Variants in PCGF5 observed in about 807,000 individuals in gnomAD.
PCGF5 encodes polycomb group ring finger 5.
Under a neutral mutation model 44.3 loss-of-function variants are expected in PCGF5, and 9 were observed. That is an observed-to-expected ratio of 0.20 (90% confidence interval 0.12 to 0.35). The LOEUF (loss-of-function observed/expected upper bound fraction) is 0.35. PCGF5 is among the 10% of genes least tolerant of loss of function. The pLI is 1.00. For missense variants in PCGF5, 146 were observed against 305.3 expected, an observed-to-expected ratio of 0.48 and a Z score of 3.89; for synonymous variants, 95 against 102.5, an observed-to-expected ratio of 0.93 and a Z score of 0.44.
intron 5 of PCGF5, 103 bp downstream of exon 5, chr10:91,248,827 C>A: frequency 1.0e-6 from 1 of 959,060 alleles, no homozygotes; most frequent in Non-Finnish European, 1.6e-6. Context: ...ATTTTTCCTG[C>A]ACAAAATTCA....
At position 91,282,491 on chromosome 10, in the gene PCGF5, A is replaced by T. The variant is rs933620142; in HGVS notation, c.*4175A>T. The T allele has an allele frequency of 2.0e-5, 3 of 152,666 alleles. No individual in the cohort carries two copies. Among genetic ancestry groups the T allele is most frequent in the Non-Finnish European group, 4.4e-5 (3 of 68,074 alleles). 9.5% of individuals were successfully genotyped at this position (152,666 alleles called of 1,614,324 possible). On this transcript the variant is annotated 3_prime_UTR_variant, in exon 10 of 10. Transcript: ENST00000336126. ...ACAGCGAGTCTCCATCTCCAAAAAA[A>T]ATTCAACTCTTGGTCTTGTTTCTCA...
At chr10:91,161,040 G>T (rs1238622213), upstream of PCGF5, among the ~76,000 whole-genome samples, 1 of 152,226 alleles carries the variant, frequency 6.6e-6, no homozygotes, top group Non-Finnish European at 1.5e-5. Context: ...GAGGGTGGGA[G>T]GCAGGGAGAA....
At chr10:91,186,528 A>T (rs1238693051) in intron 1 of PCGF5, among the ~76,000 whole-genome samples, 3 of 136,210 alleles carry the variant, frequency 2.2e-5, no homozygotes, top group Non-Finnish European at 4.5e-5. Context: ...CTTCATATAT[A>T]TATGTGTGTG....
At chr10:91,194,312 G>A (rs917555952) in intron 1 of PCGF5, among the ~76,000 whole-genome samples, 4 of 152,202 alleles carry the variant, frequency 2.6e-5, no homozygotes, top group Non-Finnish European at 4.4e-5. Context: ...GAAGTCCTTA[G>A]AAGTAGAGTA....
chr10:91,222,339 ATTAC>A (rs1211626524), intron 1 of PCGF5, among the ~76,000 whole-genome samples: 2 of 152,190 alleles, frequency 1.3e-5, no homozygotes, highest in Non-Finnish European at 2.9e-5. Context: ...AGGGAGGATA[ATTAC>A]TTAAGTTTTT....
At chr10:91,250,552 A>G (rs1845599343) in intron 5 of PCGF5, among the ~76,000 whole-genome samples, 1 of 143,350 alleles carries the variant, frequency 7.0e-6, no homozygotes, top group Non-Finnish European at 1.5e-5. Flanking sequence ...GACCACTGTG[A>G]GAGAGAGGAT....
chr10:91,257,868 A>G (rs990151440), intron 6 of PCGF5, among the ~76,000 whole-genome samples: 1 of 152,158 alleles, frequency 6.6e-6, no homozygotes, highest in Non-Finnish European at 1.5e-5. Flanking sequence ...TATTCATAAT[A>G]GCATTATTTG....
chr10:91,277,533 A>G (rs1371189359), intron 9 of PCGF5, among the ~76,000 whole-genome samples: 1 of 152,228 alleles, frequency 6.6e-6, no homozygotes, highest in East Asian at 1.9e-4. Context: ...ATCCCAAAGA[A>G]GCTGTTTCCT....
intron 1 of PCGF5, among the ~76,000 whole-genome samples, chr10:91,163,832 G>A (rs1843442266): frequency 6.6e-6 from 1 of 151,900 alleles, no homozygotes; most frequent in Admixed American, 6.5e-5. Context: ...CGCGCGTGCC[G>A]GGGTGGTGGG....
chr10:91,224,446 A>G (rs1050970930), intron 2 of PCGF5, among the ~76,000 whole-genome samples: 3 of 152,222 alleles, frequency 2.0e-5, no homozygotes, highest in African/African-American at 7.2e-5. Context: ...AGGGCACAAG[A>G]TAATAAAGAA....
rs114996749 is a variant in PCGF5 at position 91,236,355 on chromosome 10, T to C, written c.113-4129T>C. Among the ~76,000 whole-genome samples, 1,093 of 152,258 alleles carry C rather than the reference T, an allele frequency of 7.2e-3. 14 individuals carry two copies. Among genetic ancestry groups the C allele is most frequent in the African/African-American group, 0.025 (1,027 of 41,542 alleles). On this transcript the variant is annotated intron_variant, in intron 2 of 9. Transcript: ENST00000336126. ...CAGAGTCCTGAGGCCAAGCCTGATA[T>C]TTGGTTAGTGCTCATTAAATATTAG...
chr10:91,191,293 G>A (rs1234454514), intron 1 of PCGF5, among the ~76,000 whole-genome samples: 1 of 152,142 alleles, frequency 6.6e-6, no homozygotes, highest in African/African-American at 2.4e-5. Flanking sequence ...GCACTGTGAT[G>A]CTGCAACAGT....
upstream of PCGF5, among the ~76,000 whole-genome samples, chr10:91,218,414 C>T (rs1844587131): frequency 6.6e-6 from 1 of 152,026 alleles, no homozygotes; most frequent in Non-Finnish European, 1.5e-5. Context: ...CAGAGCTACC[C>T]CCTCATGTTG....
At chr10:91,247,933 C>T (rs905443868) in intron 3 of PCGF5, among the ~76,000 whole-genome samples, 5 of 152,076 alleles carry the variant, frequency 3.3e-5, no homozygotes, top group Admixed American at 6.6e-5. Context: ...CTTGGCTGGG[C>T]TCACTCATGC....
At chr10:91,275,445 ATT>A (rs67394295) in intron 9 of PCGF5, among the ~76,000 whole-genome samples, 4 of 144,818 alleles carry the variant, frequency 2.8e-5, no homozygotes, top group African/African-American at 2.5e-5. Flanking sequence ...ACTACATTTT[ATT>A]TTTTTTTTTT....
intron 8 of PCGF5, among the ~76,000 whole-genome samples, chr10:91,266,661 T>C (rs1476297322): frequency 6.6e-6 from 1 of 152,184 alleles, no homozygotes; most frequent in Non-Finnish European, 1.5e-5. Flanking sequence ...GCTTTCCTTC[T>C]CCAAACCTGT....
At chr10:91,188,947 A>T (rs111651451) in intron 1 of PCGF5, among the ~76,000 whole-genome samples, 1,812 of 152,332 alleles carry the variant, frequency 0.012, 26 homozygotes, top group African/African-American at 0.041. Flanking sequence ...TTTGGGAGAA[A>T]GGGAGAGTAG....
rs776727126 is a variant in PCGF5 at position 91,278,359 on chromosome 10, T to C, written c.*43T>C. ...TCACTGAGATGAATCCTGCACTATT[T>C]GTTTACTCGTCAACAGATTGCACAG... On this transcript the variant is annotated 3_prime_UTR_variant, in exon 10 of 10. Transcript: ENST00000336126. 7 of 1,539,118 alleles carry C rather than the reference T, an allele frequency of 4.5e-6. No homozygotes were observed. In the South Asian group the frequency reaches 7.8e-5, roughly 17 times the overall value.
chr10:91,230,067 T>C (rs1844958703), intron 2 of PCGF5, among the ~76,000 whole-genome samples: 1 of 152,192 alleles, frequency 6.6e-6, no homozygotes, highest in Non-Finnish European at 1.5e-5. Context: ...TGTGTATAGT[T>C]CGTTTAGCTT....
Sources: gnomAD v4.1 joint callset for allele counts (sites outside exome capture counted in the v4.1 genomes callset) on GRCh38, gnomAD v4.1.1 for gene constraint, MANE v1.5 for transcripts, NCBI Gene and HGNC (gene_info 2026-07-23, HGNC 2026-07-21) for gene names.